The following RBFOX1 variants were observed in gnomAD, a reference collection of about 807,000 sequenced individuals.
RBFOX1 encodes the protein RNA binding protein fox-1 homolog 1.
A neutral mutation model predicts 57.7 loss-of-function variants in RBFOX1; 8 were observed. The observed-to-expected ratio is 0.14, with a 90% CI of 0.08 to 0.25. The LOEUF is 0.25. RBFOX1 is among the 10% of genes least tolerant of loss of function. The pLI is 1.00. For missense variants in RBFOX1, 611 were observed against 548.5 expected, an observed-to-expected ratio of 1.11 and a Z score of -1.14; for synonymous variants, 326 against 222.4, an observed-to-expected ratio of 1.47 and a Z score of -4.15.
chr16:7,343,529 C>T (rs1214404183), intron 4 of RBFOX1, among the ~76,000 whole-genome samples: 1 of 152,192 alleles, frequency 6.6e-6, no homozygotes, highest in Non-Finnish European at 1.5e-5. Context: ...ATTCATACTT[C>T]CGTCATATTC....
At chr16:6,743,368 G>A (rs1459317784) in intron 3 of RBFOX1, among the ~76,000 whole-genome samples, 1 of 152,106 alleles carries the variant, frequency 6.6e-6, no homozygotes, top group Non-Finnish European at 1.5e-5. Flanking sequence ...CAGTTCAAAG[G>A]CAGAGATTGT....
intron 1 of RBFOX1, among the ~76,000 whole-genome samples, chr16:6,194,080 C>G (rs541822445): frequency 1.3e-5 from 2 of 152,246 alleles, no homozygotes; most frequent in East Asian, 1.9e-4. Context: ...CTCACACATT[C>G]TAAGTAAGTG....
chr16:7,265,208 C>T (rs538118466), intron 4 of RBFOX1, among the ~76,000 whole-genome samples: 8 of 152,076 alleles, frequency 5.3e-5, no homozygotes, highest in Non-Finnish European at 7.4e-5. Flanking sequence ...GTGGCTTAGA[C>T]AACAGAAATC....
intron 1 of RBFOX1, among the ~76,000 whole-genome samples, chr16:5,422,892 A>G (rs1446957539): frequency 3.6e-5 from 4 of 112,108 alleles, no homozygotes; most frequent in African/African-American, 1.4e-4. Flanking sequence ...GAGTGGGAGG[A>G]GGAAGGAGGG....
At chr16:6,586,327 T>C (rs2097616561) in intron 2 of RBFOX1, among the ~76,000 whole-genome samples, 1 of 152,194 alleles carries the variant, frequency 6.6e-6, no homozygotes, top group Non-Finnish European at 1.5e-5. Context: ...AAACATTCAT[T>C]CCTAAGATAC....
At chr16:6,501,830 TC>T (rs2095941178) in intron 2 of RBFOX1, among the ~76,000 whole-genome samples, 1 of 53,938 alleles carries the variant, frequency 1.9e-5, no homozygotes. Context: ...GGGGGGAAAT[TC>T]TTCTTGGTTT....
intron 4 of RBFOX1, among the ~76,000 whole-genome samples, chr16:7,184,760 C>T (rs939447074): frequency 2.0e-5 from 3 of 152,166 alleles, no homozygotes; most frequent in East Asian, 3.9e-4. Context: ...TTGAGCTTTT[C>T]AAGTCAGAAA....
chr16:6,357,383 C>T (rs530292349), intron 2 of RBFOX1, among the ~76,000 whole-genome samples: 94 of 152,110 alleles, frequency 6.2e-4, no homozygotes, highest in Middle Eastern at 3.4e-3. Context: ...TGCTTCTCCC[C>T]ATTCAATTTT....
intron 3 of RBFOX1, among the ~76,000 whole-genome samples, chr16:7,029,082 A>G (rs1237082631): frequency 6.4e-3 from 36 of 5,652 alleles, no homozygotes; most frequent in East Asian, 0.05. Context: ...ATATATATAT[A>G]CACACACACA....
chr16:6,537,893 T>A (rs1306687886), intron 2 of RBFOX1, among the ~76,000 whole-genome samples: 1 of 151,936 alleles, frequency 6.6e-6, no homozygotes, highest in East Asian at 1.9e-4. Flanking sequence ...CTGTAGTAAT[T>A]ATAGCTGAAT....
intron 2 of RBFOX1, among the ~76,000 whole-genome samples, chr16:6,365,661 T>G (rs1439024868): frequency 2.0e-5 from 3 of 152,220 alleles, no homozygotes; most frequent in Non-Finnish European, 2.9e-5. Flanking sequence ...AGGCATGTTT[T>G]GAAGCAATGT....
At chr16:5,481,981 G>A (rs1481230241) in intron 2 of RBFOX1, among the ~76,000 whole-genome samples, 2 of 152,138 alleles carry the variant, frequency 1.3e-5, no homozygotes, top group African/African-American at 2.4e-5. Flanking sequence ...CTGAAGTACT[G>A]GGACTTAGAG....
chr16:6,768,139 G>A (rs987620849), intron 3 of RBFOX1, among the ~76,000 whole-genome samples: 2 of 151,900 alleles, frequency 1.3e-5, no homozygotes, highest in Non-Finnish European at 2.9e-5. Context: ...AGAGGTTGCA[G>A]TGAGCAGAGA....
chr16:6,188,135 A>G lies in RBFOX1; in HGVS notation c.-126-128860A>G, dbSNP rs139328527. ...TCTATATTTGTAAGTTTTGCATCCC[A>G]TGAAAACTGTATCTTCTATGTATGC... On this transcript the variant is annotated intron_variant, in intron 1 of 15. Transcript: ENST00000550418. Among the ~76,000 whole-genome samples the G allele has an allele frequency of 3.9e-5, 6 of 152,298 alleles. No individual in the cohort carries two copies. The East Asian group carries it at 7.7e-4, about 20-fold the overall frequency.
rs553228173 is a variant in RBFOX1 at position 7,196,005 on chromosome 16, C to T, written c.27+143907C>T. On this transcript the variant is annotated intron_variant, in intron 4 of 15. Transcript: ENST00000550418. ...ATCTAAGGAGTTTCTTCCAGGCTGT[C>T]ACCGTCTGAAAAAAAAAATGTGAGT... is the stretch of plus-strand genomic sequence containing the variant. 5.3e-5 allele frequency among the ~76,000 whole-genome samples: 8 copies of T among 151,802 alleles called. No homozygotes were observed. The South Asian group carries it at 1.7e-3, about 32-fold the overall frequency.
intron 3 of RBFOX1, among the ~76,000 whole-genome samples, chr16:6,716,678 C>A (rs2154156967): frequency 6.6e-6 from 1 of 152,314 alleles, no homozygotes; most frequent in South Asian, 2.1e-4. Context: ...GTTCATTCAG[C>A]ATTTTCCATT....
chr16:7,044,000 C>G (rs1322932717), intron 3 of RBFOX1, among the ~76,000 whole-genome samples: 2 of 152,176 alleles, frequency 1.3e-5, no homozygotes, highest in East Asian at 3.9e-4. Flanking sequence ...CTATGCACTG[C>G]AAGCACCTCT....
chr16:6,562,619 C>A (rs554760089), intron 2 of RBFOX1, among the ~76,000 whole-genome samples: 1 of 152,160 alleles, frequency 6.6e-6, no homozygotes, highest in African/African-American at 2.4e-5. Context: ...AAACATCTTG[C>A]ATGTACTAAT....
In RBFOX1 at chr16:7,004,054, G is replaced by A. The variant is rs1006709071; in HGVS notation, c.-15-48003G>A. The A allele has an allele frequency of 2.5e-4, 37 of 150,072 alleles. 1 individual carries two copies. Among genetic ancestry groups the A allele is most frequent in the African/African-American group, 8.1e-4 (33 of 40,636 alleles). 9.3% of individuals were successfully genotyped at this position (150,072 alleles called of 1,614,324 possible). A position where few individuals can be genotyped will look rare whatever the true frequency, so the allele number is the denominator to read the frequency against. On this transcript the variant is annotated intron_variant, in intron 3 of 15. Coordinates refer to ENST00000550418, the MANE Select transcript of RBFOX1 (RefSeq NM_018723.4). ...ATTTGCGTGCCATCTTTGCACAGGT[G>A]CCATACCACCTTCTCTGTATCATTC...
Sources: gnomAD v4.1 joint callset for allele counts (sites outside exome capture counted in the v4.1 genomes callset) on GRCh38, gnomAD v4.1.1 for gene constraint, MANE v1.5 for transcripts, NCBI Gene and HGNC (gene_info 2026-07-23, HGNC 2026-07-21) for gene names.